Variants in ENPP2 observed in about 807,000 individuals in gnomAD.
ENPP2 encodes autotaxin.
In ENPP2, 51 loss-of-function variants were observed where a neutral mutation model predicts 120.2. The ratio of observed to expected loss-of-function variants is 0.42; its 90% CI spans 0.34 to 0.54. The LOEUF is 0.54. Ranked by LOEUF, ENPP2 falls within the 20% of genes least tolerant of loss-of-function variation. ENPP2 has a pLI of 0.04. For synonymous variants in ENPP2, 365 were observed against 366.4 expected (o/e 1.00, Z 0.04); for missense variants, 920 against 1,066.5 (o/e 0.86, Z 1.91).
rs547493581 is a variant in ENPP2 at position 119,668,396 on chromosome 8, T to G, written c.21+4856A>C. Among the ~76,000 whole-genome samples, 193 of 150,950 alleles carry G rather than the reference T, an allele frequency of 1.3e-3. 1 individual carries two copies. The highest frequency in any genetic ancestry group is 4.5e-3 in the African/African-American group (187 of 41,112). ...GACTATCATGTCTCATGTTCTATACTTTTTTTTTCTTTTTCTTTTTCTTTT... is the reference window on the plus strand; with the variant it reads ...GACTATCATGTCTCATGTTCTATACGTTTTTTTTCTTTTTCTTTTTCTTTT... On this transcript the variant is annotated intron_variant, in intron 1 of 25. Transcript: ENST00000427067.
chr8:119,594,958 G>A (rs758434804), intron 11 of ENPP2, among the ~76,000 whole-genome samples: 11 of 152,030 alleles, frequency 7.2e-5, no homozygotes, highest in Non-Finnish European at 1.6e-4. Flanking sequence ...TCTTCATGAC[G>A]GGAGTCAGTA....
At chr8:119,642,769 T>C (rs1430075609), upstream of ENPP2, among the ~76,000 whole-genome samples, 1 of 152,228 alleles carries the variant, frequency 6.6e-6, no homozygotes, top group Non-Finnish European at 1.5e-5. Flanking sequence ...TTAATTGTAA[T>C]ACAGTAGTTG....
intron 1 of ENPP2, among the ~76,000 whole-genome samples, chr8:119,651,336 G>A (rs144537219): frequency 1.3e-5 from 2 of 152,244 alleles, no homozygotes; most frequent in East Asian, 3.9e-4. Flanking sequence ...GCTAGTATTC[G>A]GTAATTGTTT....
intron 1 of ENPP2, among the ~76,000 whole-genome samples, chr8:119,660,914 A>G (rs1817901783): frequency 6.6e-6 from 1 of 152,244 alleles, no homozygotes; most frequent in African/African-American, 2.4e-5. Flanking sequence ...CCTTCAACAG[A>G]GTGAGAAGAC....
chr8:119,584,912 A>C (rs1391128122), intron 15 of ENPP2, among the ~76,000 whole-genome samples: 1 of 152,228 alleles, frequency 6.6e-6, no homozygotes, highest in Non-Finnish European at 1.5e-5. Context: ...TTGGAAAAAT[A>C]AGGGCTTGGG....
intron 24 of ENPP2, among the ~76,000 whole-genome samples, chr8:119,560,882 G>A (rs1174735007): frequency 6.6e-6 from 1 of 151,194 alleles, no homozygotes; most frequent in African/African-American, 2.5e-5. Context: ...AAAGGCAGGG[G>A]AGAGATCATA....
chr8:119,562,746 A>C (rs1433483731), intron 24 of ENPP2, 111 bp downstream of exon 24: 17 of 1,106,194 alleles, frequency 1.5e-5, no homozygotes, highest in Non-Finnish European at 2.1e-5. Context: ...TTTTCTGTTT[A>C]GGGTGAATGC....
chr8:119,577,879 C>G (rs1398319624), intron 19 of ENPP2, among the ~76,000 whole-genome samples: 1 of 152,194 alleles, frequency 6.6e-6, no homozygotes, highest in East Asian at 1.9e-4. Context: ...TATAAAAAGA[C>G]ACTTCAGGGA....
intron 8 of ENPP2, among the ~76,000 whole-genome samples, chr8:119,611,382 C>A (rs1047972882): frequency 6.6e-6 from 1 of 152,164 alleles, no homozygotes; most frequent in Non-Finnish European, 1.5e-5. Flanking sequence ...GCAGATCAAT[C>A]GCTGAGAATC....
upstream of ENPP2, among the ~76,000 whole-genome samples, chr8:119,642,758 C>T (rs1270276936): frequency 1.3e-5 from 2 of 152,110 alleles, no homozygotes; most frequent in East Asian, 1.9e-4. Context: ...GTGTGTATTG[C>T]TTAATTGTAA....
chr8:119,671,052 C>T (rs765978785), intron 1 of ENPP2, among the ~76,000 whole-genome samples: 6 of 149,592 alleles, frequency 4.0e-5, no homozygotes, highest in Admixed American at 1.4e-4. Context: ...TTTGGGAGGC[C>T]GAGGCAGGCA....
intron 1 of ENPP2, among the ~76,000 whole-genome samples, chr8:119,672,307 T>C (rs989729660): frequency 1.3e-5 from 2 of 152,208 alleles, no homozygotes; most frequent in African/African-American, 4.8e-5. Flanking sequence ...GAACTGGGTA[T>C]GTGATAAATA....
At chr8:119,605,430 ATGTGTGTGTG>A (rs573767269) in intron 9 of ENPP2, among the ~76,000 whole-genome samples, 2 of 133,784 alleles carry the variant, frequency 1.5e-5, no homozygotes, top group African/African-American at 2.9e-5. Flanking sequence ...GATACCATAT[ATGTGTGTGTG>A]TGTGTGTGTG....
chr8:119,662,837 C>T (rs769893205), intron 1 of ENPP2, among the ~76,000 whole-genome samples: 3 of 152,134 alleles, frequency 2.0e-5, no homozygotes, highest in African/African-American at 4.8e-5. Flanking sequence ...ATAGGCCAGG[C>T]GCAGTGCCTC....
At chr8:119,619,398 C>G in intron 4 of ENPP2, 94 bp from the exon 5 acceptor site, 1 of 808,796 alleles carries the variant, frequency 1.2e-6, no homozygotes, top group Non-Finnish European at 2.0e-6. Flanking sequence ...CTGTTTGATA[C>G]TTTCTTTATG....
intron 24 of ENPP2, 139 bp from the exon 25 acceptor site, chr8:119,557,830 C>T: frequency 6.7e-6 from 4 of 600,208 alleles, no homozygotes; most frequent in Non-Finnish European, 1.1e-5. Context: ...TTCCTGGCCT[C>T]CCTGCCACTC....
intron 22 of ENPP2, among the ~76,000 whole-genome samples, chr8:119,566,620 A>G (rs1050977108): frequency 4.6e-5 from 7 of 152,198 alleles, no homozygotes; most frequent in Non-Finnish European, 1.0e-4. Flanking sequence ...GAAATGTGGC[A>G]TGTGAAAAAA....
chr8:119,650,173 CT>C (rs1817587195), intron 1 of ENPP2, among the ~76,000 whole-genome samples: 1 of 152,158 alleles, frequency 6.6e-6, no homozygotes, highest in Admixed American at 6.5e-5. Flanking sequence ...GAATGAAGCC[CT>C]TATATGTGCT....
chr8:119,585,126 T>C (rs1275440716), intron 15 of ENPP2, among the ~76,000 whole-genome samples: 1 of 152,272 alleles, frequency 6.6e-6, no homozygotes, highest in African/African-American at 2.4e-5. Flanking sequence ...AGCTGCCCCA[T>C]ACATAAAAGG....
Sources: gnomAD v4.1 joint callset for allele counts (sites outside exome capture counted in the v4.1 genomes callset) on GRCh38, gnomAD v4.1.1 for gene constraint, MANE v1.5 for transcripts, NCBI Gene and HGNC (gene_info 2026-07-23, HGNC 2026-07-21) for gene names.